Variants in ELMO1 observed in about 807,000 individuals in gnomAD.
The protein encoded by ELMO1 is engulfment and cell motility protein 1.
In ELMO1, 26 loss-of-function variants were observed where a neutral mutation model predicts 98.9. The ratio of observed to expected loss-of-function variants is 0.26; its 90% CI spans 0.19 to 0.36. The LOEUF (loss-of-function observed/expected upper bound fraction) is 0.36, where lower values mean the gene tolerates loss of function less well. ELMO1 is among the 10% of genes least tolerant of loss of function. The pLI, the probability that ELMO1 is intolerant of heterozygous loss-of-function variation, is 1.00. For missense variants in ELMO1, 627 were observed against 935.2 expected (o/e 0.67, Z 4.30); for synonymous variants, 346 against 346.0 (o/e 1.00, Z 0.00).
intron 15 of ELMO1, among the ~76,000 whole-genome samples, chr7:37,040,561 C>T (rs192295566): frequency 1.5e-3 from 222 of 152,334 alleles, no homozygotes; most frequent in Admixed American, 4.4e-3. Context: ...AATCCCCACT[C>T]CTCCCCAGTG....
chr7:37,330,272 C>T (rs188158724), intron 2 of ELMO1, among the ~76,000 whole-genome samples: 123 of 152,338 alleles, frequency 8.1e-4, no homozygotes, highest in Admixed American at 2.6e-3. Context: ...TCCTTTTCAA[C>T]ACAGCTTAGC....
At chr7:36,929,702 C>A (rs955496115) in intron 16 of ELMO1, among the ~76,000 whole-genome samples, 1 of 152,122 alleles carries the variant, frequency 6.6e-6, no homozygotes, top group South Asian at 2.1e-4. Flanking sequence ...CACTGTAACA[C>A]CACAATGTGA....
Position 37,073,538 on chromosome 7 carries a change from C to T in ELMO1, c.1300+23081G>A, listed in dbSNP as rs115550225. On this transcript the variant is annotated intron_variant, in intron 15 of 21. Coordinates refer to ENST00000310758, the MANE Select transcript of ELMO1 (RefSeq NM_014800.11). Reference sequence around the variant, plus strand: ...TCTAAAACTTCTACATTTTCAACAGCGGACAAGCATCTGGTTTTTATTGTT... The same window carrying T: ...TCTAAAACTTCTACATTTTCAACAGTGGACAAGCATCTGGTTTTTATTGTT... Among the ~76,000 whole-genome samples, 404 of 151,348 alleles carry T rather than the reference C, an allele frequency of 2.7e-3. 1 individual carries two copies. The highest frequency in any genetic ancestry group is 9.1e-3 in the African/African-American group (375 of 41,238).
At chr7:37,440,875 A>C (rs1805388884) in intron 1 of ELMO1, among the ~76,000 whole-genome samples, 1 of 152,062 alleles carries the variant, frequency 6.6e-6, no homozygotes, top group Non-Finnish European at 1.5e-5. Context: ...TTCACTCCTC[A>C]CTTGACCAAA....
intron 15 of ELMO1, among the ~76,000 whole-genome samples, chr7:37,046,618 G>T (rs1016773798): frequency 6.6e-6 from 1 of 152,142 alleles, no homozygotes; most frequent in African/African-American, 2.4e-5. Context: ...AAAACAAAAA[G>T]AAATCAAAGT....
chr7:37,375,779 C>A, intron 1 of ELMO1: 1 of 1,001,282 alleles, frequency 1.0e-6, no homozygotes, highest in Non-Finnish European at 1.6e-6. Flanking sequence ...CTTCATCTGA[C>A]CCTGGAGACT....
chr7:37,025,775 A>G (rs1013961667), intron 15 of ELMO1, among the ~76,000 whole-genome samples: 6 of 151,930 alleles, frequency 3.9e-5, no homozygotes, highest in Admixed American at 6.6e-5. Context: ...TAACTACATG[A>G]GATTATTCCT....
intron 13 of ELMO1, among the ~76,000 whole-genome samples, chr7:37,144,332 C>T (rs544413169): frequency 4.6e-4 from 70 of 152,016 alleles, no homozygotes; most frequent in Middle Eastern, 3.4e-3. Flanking sequence ...AATTTTACAA[C>T]CACAAATTTT....
chr7:37,277,111 A>AACT (rs1360369323), intron 4 of ELMO1, among the ~76,000 whole-genome samples: 1 of 152,248 alleles, frequency 6.6e-6, no homozygotes, highest in Admixed American at 6.5e-5. Flanking sequence ...TAAATAGCTA[A>AACT]ACTACTGTAT....
intron 13 of ELMO1, among the ~76,000 whole-genome samples, chr7:37,143,618 G>A (rs980285656): frequency 6.6e-6 from 1 of 151,878 alleles, no homozygotes; most frequent in African/African-American, 2.4e-5. Context: ...TGCTGGCCAG[G>A]CTGATTTCGA....
intron 8 of ELMO1, among the ~76,000 whole-genome samples, 198 bp from the exon 9 acceptor site, chr7:37,225,228 C>G (rs947495306): frequency 1.4e-4 from 22 of 152,136 alleles, no homozygotes; most frequent in Admixed American, 4.6e-4. Flanking sequence ...TGATTTATCT[C>G]ATCTCTATAA....
At chr7:36,859,552 A>C (rs970886571) in intron 21 of ELMO1, among the ~76,000 whole-genome samples, 2 of 152,138 alleles carry the variant, frequency 1.3e-5, no homozygotes, top group African/African-American at 4.8e-5. Context: ...TCCTAGCTCC[A>C]CAGTGCAGGG....
chr7:37,289,381 T>C (rs1459369642), intron 4 of ELMO1, among the ~76,000 whole-genome samples: 1 of 152,176 alleles, frequency 6.6e-6, no homozygotes, highest in Non-Finnish European at 1.5e-5. Flanking sequence ...AAGAGAGAGT[T>C]GAGATATATT....
At chr7:37,170,185 G>A (rs1218301791) in intron 13 of ELMO1, among the ~76,000 whole-genome samples, 4 of 152,204 alleles carry the variant, frequency 2.6e-5, no homozygotes, top group East Asian at 3.9e-4. Context: ...GATTACAGGC[G>A]TGAGCCACCG....
At chr7:37,365,936 C>T (rs929021376) in intron 1 of ELMO1, among the ~76,000 whole-genome samples, 1 of 152,144 alleles carries the variant, frequency 6.6e-6, no homozygotes, top group African/African-American at 2.4e-5. Flanking sequence ...AAGAGTACAG[C>T]CACTACATTA....
At chr7:36,875,134 G>C (rs1584287314) in intron 19 of ELMO1, among the ~76,000 whole-genome samples, 3 of 152,306 alleles carry the variant, frequency 2.0e-5, no homozygotes, top group Admixed American at 2.0e-4. Flanking sequence ...CATTTTTCCA[G>C]TGGAATGAGG....
intron 2 of ELMO1, among the ~76,000 whole-genome samples, chr7:37,320,099 C>CA (rs1424661863): frequency 4.0e-5 from 6 of 151,562 alleles, no homozygotes; most frequent in South Asian, 4.2e-4. Flanking sequence ...TACTAAAATA[C>CA]AAAAAAAATA....
At chr7:36,986,184 G>A (rs774154900) in intron 16 of ELMO1, 52 of 985,520 alleles carry the variant, frequency 5.3e-5, no homozygotes, top group Non-Finnish European at 6.0e-5. Flanking sequence ...GGAGCCCAGG[G>A]ATGCTCCGAT....
At chr7:37,287,473 C>T (rs1011951764) in intron 4 of ELMO1, among the ~76,000 whole-genome samples, 1 of 152,086 alleles carries the variant, frequency 6.6e-6, no homozygotes, top group Non-Finnish European at 1.5e-5. Context: ...CTAATAACTA[C>T]CATAATTTCT....
Sources: allele counts gnomAD v4.1 joint callset (sites outside exome capture counted in the v4.1 genomes callset), GRCh38; gene constraint gnomAD v4.1.1; transcripts MANE v1.5; gene names NCBI Gene and HGNC (gene_info 2026-07-23, HGNC 2026-07-21).